ZSWIM5: variants seen among roughly 807,000 people sequenced by gnomAD.
ZSWIM5 encodes the protein zinc finger SWIM domain-containing protein 5.
Under a neutral mutation model 119.6 loss-of-function variants are expected in ZSWIM5, and 55 were observed. The ratio of observed to expected loss-of-function variants is 0.46; its 90% confidence interval spans 0.37 to 0.58. ZSWIM5 has a LOEUF of 0.58. Ranked by LOEUF, ZSWIM5 falls within the 20% of genes least tolerant of loss-of-function variation. The probability of loss-of-function intolerance (pLI) is 0.00; values close to 1 mark genes in which losing one functional copy is unlikely to be tolerated. For synonymous variants in ZSWIM5, 537 were observed against 606.9 expected, an observed-to-expected ratio of 0.88 and a Z score of 1.69; for missense variants, 1,193 against 1,512.8, an observed-to-expected ratio of 0.79 and a Z score of 3.51.
chr1:45,070,242 G>C (rs111944873), intron 2 of ZSWIM5: 2 of 1,467,788 alleles, frequency 1.4e-6, no homozygotes, highest in Non-Finnish European at 1.9e-6. Context: ...ATGTTCATCA[G>C]TCACAGAACC....
chr1:45,131,692 T>G (rs774926020), intron 1 of ZSWIM5, among the ~76,000 whole-genome samples: 1 of 128,038 alleles, frequency 7.8e-6, no homozygotes, highest in Non-Finnish European at 1.5e-5. Context: ...GCCACTGAAC[T>G]CCAGCCTGGG....
chr1:45,184,238 G>T (rs1401914508), intron 1 of ZSWIM5, among the ~76,000 whole-genome samples: 3 of 152,058 alleles, frequency 2.0e-5, no homozygotes, highest in Non-Finnish European at 2.9e-5. Context: ...AGGTATTGAT[G>T]GGATGTATCT....
intron 1 of ZSWIM5, among the ~76,000 whole-genome samples, chr1:45,108,739 T>C (rs1485777296): frequency 6.6e-6 from 1 of 152,136 alleles, no homozygotes; most frequent in Non-Finnish European, 1.5e-5. Flanking sequence ...TAATTCCAGC[T>C]AGCTCCTTTA....
chr1:45,073,534 C>T (rs779648327), intron 2 of ZSWIM5, among the ~76,000 whole-genome samples: 35 of 151,692 alleles, frequency 2.3e-4, no homozygotes, highest in Non-Finnish European at 3.5e-4. Flanking sequence ...GATGGGATTA[C>T]AGACATGAGC....
intron 1 of ZSWIM5, among the ~76,000 whole-genome samples, chr1:45,114,701 T>C (rs1645537372): frequency 1.3e-5 from 2 of 151,908 alleles, no homozygotes; most frequent in African/African-American, 4.8e-5. Context: ...GGAGAGGGAT[T>C]TGGCAGGGTC....
chr1:45,130,801 A>T lies in ZSWIM5; in HGVS notation c.596-42564T>A, dbSNP rs376579529. 2.0e-5 allele frequency among the ~76,000 whole-genome samples: 3 copies of T among 152,248 alleles called. No individual in the cohort carries two copies. In the East Asian group the frequency reaches 5.8e-4, roughly 29 times the overall value. On this transcript the variant is annotated intron_variant, in intron 1 of 13. Transcript: ENST00000359600. ...TTGAAAGCAGCTTTATTCATAATTC[A>T]TATTCAGCTAAAAACTGGAAGTCAT...
intron 2 of ZSWIM5, 80 bp from the exon 3 acceptor site, chr1:45,060,327 T>A: frequency 1.3e-6 from 2 of 1,486,470 alleles, no homozygotes; most frequent in East Asian, 4.8e-5. Flanking sequence ...TTTGTGAGCA[T>A]ATTCAAACAG....
Position 45,193,938 on chromosome 1 carries a change from G to GTATATATATATATATA in ZSWIM5, c.595+11802_595+11817dup, listed in dbSNP as rs112350029. Among the ~76,000 whole-genome samples the GTATATATATATATATA allele has an allele frequency of 8.3e-3, 1,214 of 146,188 alleles. 4 individuals are homozygous for GTATATATATATATATA. The highest frequency in any genetic ancestry group is 0.022 in the East Asian group (111 of 5,014). ...TATGTGTACATATGTGTGCATATGTGTATATATATATATATATACATACAT... is the reference window on the plus strand; with the variant it reads ...TATGTGTACATATGTGTGCATATGTGTATATATATATATATATATATATATATATATATACATACAT... On this transcript the variant is annotated intron_variant, in intron 1 of 13. Coordinates refer to ENST00000359600, the MANE Select transcript of ZSWIM5 (RefSeq NM_020883.2).
chr1:45,162,875 T>C (rs931749843), intron 1 of ZSWIM5, among the ~76,000 whole-genome samples: 1 of 152,234 alleles, frequency 6.6e-6, no homozygotes. Context: ...CCTGCCTCTG[T>C]AGATTCCACC....
chr1:45,039,201 T>C, intron 7 of ZSWIM5, 128 bp from the exon 8 acceptor site: 1 of 1,187,186 alleles, frequency 8.4e-7, no homozygotes, highest in Non-Finnish European at 1.2e-6. Context: ...TCTATTGTCT[T>C]GCCTTGGGTT....
chr1:45,059,674 A>G (rs896899273), intron 3 of ZSWIM5, among the ~76,000 whole-genome samples: 10 of 152,188 alleles, frequency 6.6e-5, no homozygotes, highest in South Asian at 2.1e-4. Flanking sequence ...ATAGTATATG[A>G]ATTATATCTC....
At chr1:45,052,002 T>TA (rs1645091879) in intron 4 of ZSWIM5, among the ~76,000 whole-genome samples, 1 of 4,732 alleles carries the variant, frequency 2.1e-4, no homozygotes, top group Non-Finnish European at 6.1e-4. Flanking sequence ...TTTCTTGGGA[T>TA]TTTTTTTTTT....
intron 3 of ZSWIM5, among the ~76,000 whole-genome samples, chr1:45,059,875 T>C (rs1340102238): frequency 6.6e-6 from 1 of 152,082 alleles, no homozygotes; most frequent in Non-Finnish European, 1.5e-5. Flanking sequence ...CTAACTCTTT[T>C]AGAGAGCAGA....
At chr1:45,070,927 C>CA (rs1645217988) in intron 2 of ZSWIM5, among the ~76,000 whole-genome samples, 1 of 152,136 alleles carries the variant, frequency 6.6e-6, no homozygotes, top group African/African-American at 2.4e-5. Context: ...GGTTCCTGAC[C>CA]TGACTTCTCA....
intron 2 of ZSWIM5, among the ~76,000 whole-genome samples, chr1:45,082,165 AAGTACCCAGGGACACAAACGCTGCG>A (rs1271071664): frequency 6.6e-6 from 1 of 151,424 alleles, no homozygotes; most frequent in Non-Finnish European, 1.5e-5. Context: ...CCCTAATCTC[AAGTACCCAGGGACACAAACGCTGCG>A]GAAGGCCGCA....
intron 1 of ZSWIM5, among the ~76,000 whole-genome samples, chr1:45,128,099 AT>A (rs1217361699): frequency 2.0e-5 from 3 of 152,184 alleles, no homozygotes; most frequent in Admixed American, 6.5e-5. Context: ...TTCTGGAAAG[AT>A]TTTTTTGCAG....
chr1:45,092,538 A>ATCCCC (rs1645373167), intron 1 of ZSWIM5, among the ~76,000 whole-genome samples: 1 of 57,404 alleles, frequency 1.7e-5, no homozygotes, highest in African/African-American at 7.4e-5. Flanking sequence ...CTCGTGATCC[A>ATCCCC]CCCCCCCCCC....
At chr1:45,204,123 A>T (rs1000060851) in intron 1 of ZSWIM5, among the ~76,000 whole-genome samples, 1 of 152,158 alleles carries the variant, frequency 6.6e-6, no homozygotes, top group Non-Finnish European at 1.5e-5. Flanking sequence ...CTTTAAAAAT[A>T]GACACCTCTT....
At chr1:45,158,212 T>G (rs1645842822) in intron 1 of ZSWIM5, among the ~76,000 whole-genome samples, 1 of 152,208 alleles carries the variant, frequency 6.6e-6, no homozygotes, top group South Asian at 2.1e-4. Flanking sequence ...TCGCCCAGGC[T>G]GGAGTGCTGT....
Sources: allele counts gnomAD v4.1 joint callset (sites outside exome capture counted in the v4.1 genomes callset), GRCh38; gene constraint gnomAD v4.1.1; transcripts MANE v1.5; gene names NCBI Gene and HGNC (gene_info 2026-07-23, HGNC 2026-07-21).